ZNF461: variants seen among roughly 807,000 people sequenced by gnomAD.
The protein encoded by ZNF461 is gonadotropin-inducible ovarian transcription factor-1.
Under a neutral mutation model 18.3 loss-of-function variants are expected in ZNF461, and 16 were observed. The ratio of observed to expected loss-of-function variants is 0.88; its 90% CI spans 0.59 to 1.33. ZNF461 has a LOEUF of 1.33. Among genes scored for constraint, ZNF461 ranks in the 40% most tolerant of loss-of-function variants. The probability of loss-of-function intolerance (pLI) is 0.00; values close to 1 mark genes in which losing one functional copy is unlikely to be tolerated. For missense variants in ZNF461, 595 were observed against 669.9 expected, an observed-to-expected ratio of 0.89 and a Z score of 1.23; for synonymous variants, 179 against 216.9, an observed-to-expected ratio of 0.83 and a Z score of 1.54.
rs56705203 is a variant in ZNF461 at position 36,664,313 on chromosome 19, C to T, written c.9+385G>A. The stretch of plus-strand genomic sequence containing the variant: ...GTCAGAATAAATAATGCAGGCCAGG[C>T]GCAGGGGCTCATGCCTGTAATCCCA... On this transcript the variant is annotated intron_variant, in intron 2 of 5. Transcript: ENST00000588268. Among the ~76,000 whole-genome samples, 1,086 of 152,274 alleles carry T rather than the reference C, an allele frequency of 7.1e-3. 12 individuals are homozygous for T. Among genetic ancestry groups the T allele is most frequent in the African/African-American group, 0.024 (1,009 of 41,554 alleles).
intron 4 of ZNF461, among the ~76,000 whole-genome samples, chr19:36,647,358 G>A (rs1329895456): frequency 6.6e-6 from 1 of 152,074 alleles, no homozygotes; most frequent in Non-Finnish European, 1.5e-5. Context: ...TGGCCAACAT[G>A]GTTAAACCCT....
chr19:36,659,990 T>C lies in ZNF461; in HGVS notation c.10-1565A>G, dbSNP rs539730273. ...CACATCTCACTGGAAAATCCCAAATTGTGAATTTCAAAGATTTCCCACGTG... is the reference window on the plus strand; with the variant it reads ...CACATCTCACTGGAAAATCCCAAATCGTGAATTTCAAAGATTTCCCACGTG... On this transcript the variant is annotated intron_variant, in intron 2 of 5. Transcript: ENST00000588268. Among the ~76,000 whole-genome samples, 183 of 152,212 alleles carry C rather than the reference T, an allele frequency of 1.2e-3. 1 individual carries two copies. The highest frequency in any genetic ancestry group is 2.0e-3 in the Non-Finnish European group (138 of 68,024).
chr19:36,653,012 A>G (rs1218694100), intron 4 of ZNF461, among the ~76,000 whole-genome samples: 3 of 152,238 alleles, frequency 2.0e-5, no homozygotes, highest in African/African-American at 7.2e-5. Context: ...CATTAAGGAA[A>G]TTCAAAATTA....
In ZNF461 at chr19:36,639,382, T is replaced by C. The variant is rs571720319; in HGVS notation, c.963A>G (p.Arg321=). 21 of 1,614,032 alleles carry C rather than the reference T, an allele frequency of 1.3e-5. No homozygotes were observed. In the African/African-American group the frequency reaches 2.1e-4, roughly 16 times the overall value. ...RQRSQLTQHQ[R]LHTGEKPYEC... ...CATAGGGTTTTTCACCAGTATGAAG[T>C]CTCTGATGTTGAGTAAGCTGTGATC... Residue 321 remains arginine, a synonymous_variant, in exon 6 of 6, where the codon AGA becomes AGG. Transcript: ENST00000588268.
chr19:36,660,701 T>TAAA (rs199775225), intron 2 of ZNF461, among the ~76,000 whole-genome samples: 124 of 147,560 alleles, frequency 8.4e-4, no homozygotes, highest in African/African-American at 2.8e-3. Context: ...TTGATTTTTT[T>TAAA]AAAAAAAAAA....
At chr19:36,653,683 A>G (rs748179043) in intron 4 of ZNF461, among the ~76,000 whole-genome samples, 5 of 152,214 alleles carry the variant, frequency 3.3e-5, no homozygotes, top group African/African-American at 4.8e-5. Flanking sequence ...CACTACCACG[A>G]GAACAGTATG....
chr19:36,653,429 G>A (rs1285671186), intron 4 of ZNF461, among the ~76,000 whole-genome samples: 1 of 152,182 alleles, frequency 6.6e-6, no homozygotes, highest in African/African-American at 2.4e-5. Flanking sequence ...GAACAGAACA[G>A]TGGTTGCCAA....
At position 36,639,041 on chromosome 19, in the gene ZNF461, T is replaced by C. The variant is rs1280107031; in HGVS notation, c.1304A>G (p.His435Arg). 10 of 1,614,120 alleles carry C rather than the reference T, an allele frequency of 6.2e-6. No homozygotes were observed. Among genetic ancestry groups the C allele is most frequent in the Non-Finnish European group, 8.5e-6 (10 of 1,180,014 alleles). ...GLQLTLHQRI[H>R]TGEKPYECKE... is the part of the protein sequence containing the mutation. ...ACACTCATAGGGTTTCTCACCAGTATGAATCCTCTGATGTAGGGTTAGTTG... is the reference window on the plus strand; with the variant it reads ...ACACTCATAGGGTTTCTCACCAGTACGAATCCTCTGATGTAGGGTTAGTTG... The change falls in exon 6 of 6, where the codon CAT becomes CGT. Residue 435 changes from histidine (H) to arginine (R), a missense_variant. Coordinates refer to ENST00000588268, the MANE Select transcript of ZNF461 (RefSeq NM_153257.5).
At chr19:36,663,269 C>T (rs546957083) in intron 2 of ZNF461, among the ~76,000 whole-genome samples, 80 of 152,242 alleles carry the variant, frequency 5.3e-4, no homozygotes, top group African/African-American at 1.9e-3. Flanking sequence ...CCCGCCTTGG[C>T]CTCCCAAAGT....
intron 3 of ZNF461, 145 bp from the exon 4 acceptor site, chr19:36,656,688 A>G: frequency 1.6e-6 from 1 of 635,592 alleles, no homozygotes; most frequent in Non-Finnish European, 2.7e-6. Flanking sequence ...AAGAGATGAA[A>G]CACTCATATT....
chr19:36,643,236 AC>A (rs769933210), intron 5 of ZNF461: 1 of 151,940 alleles, frequency 6.6e-6, no homozygotes, highest in Non-Finnish European at 1.5e-5. Flanking sequence ...ATTACCAGAA[AC>A]CCCAAGCCTT....
intron 2 of ZNF461, among the ~76,000 whole-genome samples, chr19:36,664,017 A>G (rs1483793917): frequency 6.6e-6 from 1 of 152,152 alleles, no homozygotes; most frequent in Admixed American, 6.6e-5. Flanking sequence ...TGCCTGTCAC[A>G]TAGTAGGTAC....
chr19:36,664,834 A>G (rs572970759), intron 1 of ZNF461, 48 bp from the exon 2 acceptor site: 1 of 623,100 alleles, frequency 1.6e-6, no homozygotes, highest in Non-Finnish European at 2.6e-6. Flanking sequence ...ATTGCCTCTA[A>G]GCTCCCAAAA....
In ZNF461 at chr19:36,639,303, G is replaced by C. The variant is rs1367661744; in HGVS notation, c.1042C>G (p.Leu348Val). 1 of 1,614,032 alleles carries C rather than the reference G, an allele frequency of 6.2e-7. No homozygotes were observed. Among genetic ancestry groups the C allele is most frequent in the East Asian group, 2.2e-5 (1 of 44,858 alleles). ...FIRGFQLTEH[L>V]RLHTGEKPYE... ...GGTTTCTCTCCAGTATGGAGTCGCA[G>C]GTGTTCAGTAAGTTGAAAGCCACGA... The change falls in exon 6 of 6, where the codon CTG becomes GTG. Residue 348 changes from leucine (L) to valine (V), a missense_variant. Transcript: ENST00000588268.
intron 2 of ZNF461, among the ~76,000 whole-genome samples, chr19:36,663,737 C>T (rs894326864): frequency 2.6e-5 from 4 of 151,872 alleles, no homozygotes; most frequent in African/African-American, 9.7e-5. Context: ...ATTATGTTGC[C>T]TAGACTGGTC....
intron 2 of ZNF461, among the ~76,000 whole-genome samples, chr19:36,659,824 A>G (rs553739123): frequency 6.6e-6 from 1 of 152,140 alleles, no homozygotes; most frequent in Non-Finnish European, 1.5e-5. Flanking sequence ...CTAAAACCGG[A>G]GTTTGTAATT....
chr19:36,660,573 C>A (rs547175545), intron 2 of ZNF461, among the ~76,000 whole-genome samples: 1 of 152,106 alleles, frequency 6.6e-6, no homozygotes, highest in South Asian at 2.1e-4. Flanking sequence ...GGCTCAGTAT[C>A]ACTAACTCTA....
chr19:36,657,044 T>A (rs1167642385), intron 3 of ZNF461, among the ~76,000 whole-genome samples: 1 of 151,676 alleles, frequency 6.6e-6, no homozygotes, highest in Non-Finnish European at 1.5e-5. Context: ...GGTCTCAAAC[T>A]CCTGGCCTCA....
At chr19:36,643,969 G>A in intron 4 of ZNF461, 107 bp from the exon 5 acceptor site, 1 of 954,216 alleles carries the variant, frequency 1.0e-6, no homozygotes, top group African/African-American at 1.7e-5. Context: ...TTTCGCTCTT[G>A]TTGCCCAAGC....
Sources: allele counts gnomAD v4.1 joint callset (sites outside exome capture counted in the v4.1 genomes callset), GRCh38; gene constraint gnomAD v4.1.1; transcripts MANE v1.5; gene names NCBI Gene and HGNC (gene_info 2026-07-23, HGNC 2026-07-21).